BMP6: variants seen among roughly 807,000 people sequenced by gnomAD.
BMP6 encodes VG-1-R.
BMP6 carries 17 observed loss-of-function variants against 54.1 expected under a neutral mutation model. That is an observed-to-expected ratio of 0.31 (90% CI 0.22 to 0.47). The LOEUF (loss-of-function observed/expected upper bound fraction) is 0.47, where lower values mean the gene tolerates loss of function less well. BMP6 is among the 20% of genes least tolerant of loss of function. BMP6 has a pLI of 1.00. For synonymous variants in BMP6, 328 were observed against 291.2 expected (o/e 1.13, Z -1.28); for missense variants, 720 against 690.4 (o/e 1.04, Z -0.48).
At chr6:7,854,138 G>A (rs970725541) in intron 2 of BMP6, among the ~76,000 whole-genome samples, 2 of 152,172 alleles carry the variant, frequency 1.3e-5, no homozygotes, top group Non-Finnish European at 2.9e-5. Context: ...TGGTAAACAT[G>A]AAGAGAAAAG....
chr6:7,879,287 C>A, intron 5 of BMP6, 137 bp downstream of exon 5: 1 of 881,486 alleles, frequency 1.1e-6, no homozygotes, highest in East Asian at 2.6e-5. Flanking sequence ...CTGAGGAGCC[C>A]TCCCAAATGC....
intron 1 of BMP6, among the ~76,000 whole-genome samples, chr6:7,786,769 C>T (rs554791499): frequency 4.6e-5 from 7 of 152,234 alleles, no homozygotes; most frequent in South Asian, 2.1e-4. Context: ...ATGTCTCCCT[C>T]GGAACATCAG....
At chr6:7,843,572 T>G (rs934265523) in intron 1 of BMP6, among the ~76,000 whole-genome samples, 1 of 152,098 alleles carries the variant, frequency 6.6e-6, no homozygotes, top group Non-Finnish European at 1.5e-5. Context: ...CCACAAACCT[T>G]GGGAAAACTC....
At chr6:7,780,002 A>C (rs1029327774) in intron 1 of BMP6, among the ~76,000 whole-genome samples, 1 of 152,070 alleles carries the variant, frequency 6.6e-6, no homozygotes, top group African/African-American at 2.4e-5. Flanking sequence ...GGTTCACCTC[A>C]CTGTACCTTA....
At chr6:7,742,311 C>T (rs1298922614) in intron 1 of BMP6, among the ~76,000 whole-genome samples, 4 of 152,164 alleles carry the variant, frequency 2.6e-5, no homozygotes, top group African/African-American at 7.2e-5. Context: ...CGCTGAGTCT[C>T]AATTTAAATT....
intron 1 of BMP6, among the ~76,000 whole-genome samples, chr6:7,766,895 T>G (rs1221112000): frequency 3.3e-5 from 5 of 152,080 alleles, no homozygotes; most frequent in South Asian, 4.1e-4. Flanking sequence ...CACTTAGGAT[T>G]GGCCCAGTAA....
chr6:7,745,516 C>G (rs1416330936), intron 1 of BMP6, among the ~76,000 whole-genome samples: 1 of 152,206 alleles, frequency 6.6e-6, no homozygotes, highest in Non-Finnish European at 1.5e-5. Context: ...AGGGATCCTC[C>G]TACCTTGTCT....
intron 1 of BMP6, among the ~76,000 whole-genome samples, chr6:7,811,731 C>A (rs558841453): frequency 2.0e-5 from 3 of 152,306 alleles, no homozygotes; most frequent in Admixed American, 6.5e-5. Flanking sequence ...GCTCTAACAT[C>A]TTCCTCCCTT....
At chr6:7,758,157 C>G (rs957979705) in intron 1 of BMP6, among the ~76,000 whole-genome samples, 1 of 152,206 alleles carries the variant, frequency 6.6e-6, no homozygotes, top group Non-Finnish European at 1.5e-5. Flanking sequence ...ACATTTTCCG[C>G]AAACGTTTTG....
chr6:7,785,695 T>TA (rs899508924), intron 1 of BMP6, among the ~76,000 whole-genome samples: 12 of 152,018 alleles, frequency 7.9e-5, no homozygotes, highest in African/African-American at 2.4e-4. Flanking sequence ...TCTTTTGCCT[T>TA]AAAAAAAAGT....
Position 7,881,633 on chromosome 6 carries a change from A to G in BMP6, c.*1290A>G, listed in dbSNP as rs1407717081. 7.1e-6 allele frequency: 1 copy of G among 141,774 alleles called. No individual in the cohort carries two copies. Among genetic ancestry groups the G allele is most frequent in the African/African-American group, 2.9e-5 (1 of 34,962 alleles). 8.8% of individuals were successfully genotyped at this position (141,774 alleles called of 1,614,324 possible). ...GCAAAGCTGAAGTTGTGTGTACAAGACTCTTGACAGTTGTGCTTCTCTAGG... is the reference window on the plus strand; with the variant it reads ...GCAAAGCTGAAGTTGTGTGTACAAGGCTCTTGACAGTTGTGCTTCTCTAGG... On this transcript the variant is annotated 3_prime_UTR_variant, in exon 7 of 7. Transcript: ENST00000283147.
intron 1 of BMP6, among the ~76,000 whole-genome samples, chr6:7,788,699 A>T (rs1758052163): frequency 6.6e-6 from 1 of 152,192 alleles, no homozygotes; most frequent in Non-Finnish European, 1.5e-5. Context: ...GATGAAGCAA[A>T]TCAGAAGGAG....
intron 4 of BMP6, among the ~76,000 whole-genome samples, chr6:7,864,013 A>G (rs1759378742): frequency 7.2e-6 from 1 of 139,208 alleles, no homozygotes; most frequent in African/African-American, 2.8e-5. Flanking sequence ...CTCCATCGAA[A>G]AAAAAAAAAA....
intron 1 of BMP6, among the ~76,000 whole-genome samples, chr6:7,740,909 C>T (rs1762032421): frequency 6.6e-6 from 1 of 152,216 alleles, no homozygotes; most frequent in Admixed American, 6.5e-5. Flanking sequence ...GAATCCCTCC[C>T]TGCATCCCTG....
At chr6:7,831,686 T>C (rs984407041) in intron 1 of BMP6, among the ~76,000 whole-genome samples, 1 of 152,222 alleles carries the variant, frequency 6.6e-6, no homozygotes, top group Non-Finnish European at 1.5e-5. Context: ...TGCAAAGCAG[T>C]ATGTGGATGA....
At chr6:7,863,929 A>C (rs1252067890) in intron 4 of BMP6, among the ~76,000 whole-genome samples, 1 of 151,886 alleles carries the variant, frequency 6.6e-6, no homozygotes. Context: ...CTGAAGCAGG[A>C]GAATCACTTG....
At chr6:7,849,533 C>G (rs987804263) in intron 2 of BMP6, among the ~76,000 whole-genome samples, 2 of 152,184 alleles carry the variant, frequency 1.3e-5, no homozygotes, top group Admixed American at 6.5e-5. Flanking sequence ...TGAGTACATG[C>G]TTTTCACAAC....
chr6:7,880,646 A>G lies in BMP6; in HGVS notation c.*303A>G. On this transcript the variant is annotated 3_prime_UTR_variant, in exon 7 of 7. Transcript: ENST00000283147. ...CCCTCCTCCCCCAAAAACCCACCAA[A>G]ATTAGTTTTAGCTGTAGATCAAGCT... The G allele has an allele frequency of 2.5e-6, 1 of 400,300 alleles. No individual in the cohort carries two copies. Among genetic ancestry groups the G allele is most frequent in the Non-Finnish European group, 4.6e-6 (1 of 219,198 alleles). 24.8% of individuals were successfully genotyped at this position (400,300 alleles called of 1,614,324 possible).
chr6:7,745,489 C>T lies in BMP6; in HGVS notation c.664+17870C>T, dbSNP rs902341130. On this transcript the variant is annotated intron_variant, in intron 1 of 6. Coordinates refer to ENST00000283147, the MANE Select transcript of BMP6 (RefSeq NM_001718.6). Reference sequence around the variant, plus strand: ...CTCACTATGTTGCCCAGGCTGGTGCCTTAATTCCTGGCCTCAAGGGATCCT... The same window carrying T: ...CTCACTATGTTGCCCAGGCTGGTGCTTTAATTCCTGGCCTCAAGGGATCCT... Among the ~76,000 whole-genome samples the T allele has an allele frequency of 2.0e-5, 3 of 152,154 alleles. No homozygotes were observed. In the East Asian group the frequency reaches 5.8e-4, roughly 29 times the overall value.
Sources: gnomAD v4.1 joint callset for allele counts (sites outside exome capture counted in the v4.1 genomes callset) on GRCh38, gnomAD v4.1.1 for gene constraint, MANE v1.5 for transcripts, NCBI Gene and HGNC (gene_info 2026-07-23, HGNC 2026-07-21) for gene names.